LPP: variants seen among roughly 807,000 people sequenced by gnomAD.
The protein encoded by LPP is LIM domain containing preferred translocation partner in lipoma.
Under a neutral mutation model 60.4 loss-of-function variants are expected in LPP, and 38 were observed. The observed-to-expected ratio is 0.63, with a 90% CI of 0.49 to 0.83. LPP has a LOEUF of 0.83. LPP is among the 40% of genes least tolerant of loss of function. The pLI is 0.00. For synonymous variants in LPP, 328 were observed against 290.8 expected (o/e 1.13, Z -1.30); for missense variants, 902 against 783.6 (o/e 1.15, Z -1.80).
intron 7 of LPP, among the ~76,000 whole-genome samples, chr3:188,697,379 C>T (rs1187179389): frequency 1.3e-5 from 2 of 152,182 alleles, no homozygotes; most frequent in Non-Finnish European, 2.9e-5. Flanking sequence ...ATGTGCCAAG[C>T]GTCATATTTG....
chr3:188,492,801 A>G (rs530853401), intron 5 of LPP, among the ~76,000 whole-genome samples: 4 of 152,338 alleles, frequency 2.6e-5, no homozygotes, highest in Admixed American at 1.3e-4. Flanking sequence ...ATCTGCTTAT[A>G]TGTCCTGCTC....
chr3:188,398,363 C>T (rs1037054963), intron 3 of LPP, among the ~76,000 whole-genome samples: 6 of 152,174 alleles, frequency 3.9e-5, no homozygotes, highest in African/African-American at 9.7e-5. Flanking sequence ...ATAGAAAGTA[C>T]GCCCAAGTCC....
intron 5 of LPP, among the ~76,000 whole-genome samples, chr3:188,522,138 A>G (rs925567760): frequency 2.6e-4 from 40 of 152,368 alleles, no homozygotes; most frequent in Admixed American, 2.2e-3. Flanking sequence ...TTTCCAGTAT[A>G]CAGACCTGCT....
chr3:188,479,997 G>C (rs908117431), intron 4 of LPP, among the ~76,000 whole-genome samples: 4 of 152,176 alleles, frequency 2.6e-5, no homozygotes, highest in African/African-American at 9.6e-5. Flanking sequence ...CAAGCTCTGC[G>C]TTAGGTAGAT....
At chr3:188,685,521 A>G (rs1860515550) in intron 7 of LPP, among the ~76,000 whole-genome samples, 1 of 152,154 alleles carries the variant, frequency 6.6e-6, no homozygotes, top group African/African-American at 2.4e-5. Context: ...AAGAGTCTGT[A>G]TACCTTATCT....
intron 8 of LPP, chr3:188,711,667 G>T (rs62290057): frequency 0.056 from 8,546 of 152,260 alleles, 309 homozygotes; most frequent in Non-Finnish European, 0.085. Context: ...TATTCAGGCT[G>T]CTCTGCTAGG....
At position 188,609,744 on chromosome 3, in the gene LPP, G is replaced by C; in HGVS notation, c.1013G>C (p.Gly338Ala). The C allele has an allele frequency of 6.2e-7, 1 of 1,614,086 alleles. No homozygotes were observed. The highest frequency in any genetic ancestry group is 8.5e-7 in the Non-Finnish European group (1 of 1,180,006). ...REPGYTPPGA[G>A]NQNPPGMYPV... ...CCAGGGTACACTCCTCCTGGAGCAG[G>C]GAACCAGAACCCTCCTGGGATGTAT... Residue 338 changes from glycine (G) to alanine (A), a missense_variant, in exon 7 of 12, where the codon GGG becomes GCG. Gly to Ala is a moderately conservative substitution (Grantham distance 60). Transcript: ENST00000617246. This position sits in a 1 kb window ranked among gnomAD's most constrained non-coding sequence, Gnocchi z 6.9.
chr3:188,224,285 T>C (rs1341352358), intron 1 of LPP, among the ~76,000 whole-genome samples: 1 of 152,108 alleles, frequency 6.6e-6, no homozygotes, highest in Admixed American at 6.5e-5. Context: ...CTTGGAATTG[T>C]TTTGTACACA....
intron 9 of LPP, among the ~76,000 whole-genome samples, chr3:188,771,271 G>A (rs11715284): frequency 0.3 from 45,176 of 151,760 alleles, 7,131 homozygotes; most frequent in Middle Eastern, 0.36. Flanking sequence ...AAAAGAGGCC[G>A]GGCACAGTAG....
At chr3:188,451,048 T>G (rs562998330) in intron 4 of LPP, among the ~76,000 whole-genome samples, 2 of 152,116 alleles carry the variant, frequency 1.3e-5, no homozygotes, top group Non-Finnish European at 2.9e-5. Flanking sequence ...GTGTTTTTTG[T>G]TTTTTGTTTT....
Position 188,874,539 on chromosome 3 carries a change from A to G in LPP, c.*60A>G, listed in dbSNP as rs1312915986. ...CGAACACAAGAAAAAGATAAGAAAT[A>G]CTAGAGTAAAGGCCATCAAACTACG... On this transcript the variant is annotated 3_prime_UTR_variant, in exon 12 of 12. Transcript: ENST00000617246. 36 of 1,580,404 alleles carry G rather than the reference A, an allele frequency of 2.3e-5. No homozygotes were observed. Among genetic ancestry groups the G allele is most frequent in the Non-Finnish European group, 2.6e-5 (30 of 1,155,850 alleles).
chr3:188,426,210 C>G (rs1222678858), intron 4 of LPP, among the ~76,000 whole-genome samples: 1 of 147,982 alleles, frequency 6.8e-6, no homozygotes, highest in Non-Finnish European at 1.5e-5. Flanking sequence ...TTGTTATTTA[C>G]CCAGTAGTCA....
At chr3:188,276,619 G>A (rs1392377712) in intron 2 of LPP, among the ~76,000 whole-genome samples, 3 of 151,832 alleles carry the variant, frequency 2.0e-5, no homozygotes, top group Non-Finnish European at 1.5e-5. Flanking sequence ...GTGAATTCTT[G>A]TGAAATCTTG....
intron 5 of LPP, among the ~76,000 whole-genome samples, chr3:188,501,372 T>G (rs989267347): frequency 6.6e-6 from 1 of 152,216 alleles, no homozygotes; most frequent in Non-Finnish European, 1.5e-5. Context: ...CTCAGCACTT[T>G]GGGAGGCCGA....
chr3:188,790,029 C>T (rs1234879979), intron 9 of LPP, among the ~76,000 whole-genome samples: 1 of 152,064 alleles, frequency 6.6e-6, no homozygotes, highest in Admixed American at 6.6e-5. Flanking sequence ...TAGGTGTGCA[C>T]TATTTTTGAC....
At chr3:188,173,013 G>A (rs1267050408) in intron 1 of LPP, among the ~76,000 whole-genome samples, 1 of 152,132 alleles carries the variant, frequency 6.6e-6, no homozygotes, top group African/African-American at 2.4e-5. Flanking sequence ...GACAACAGGT[G>A]CATGCCACCA....
chr3:188,598,989 C>T (rs932927098), intron 6 of LPP, among the ~76,000 whole-genome samples: 7 of 152,112 alleles, frequency 4.6e-5, no homozygotes, highest in South Asian at 2.1e-4. Context: ...CTTCAGCAAA[C>T]GAGGTCGCTT....
chr3:188,642,376 C>T (rs1247144150), intron 7 of LPP, among the ~76,000 whole-genome samples: 2 of 152,166 alleles, frequency 1.3e-5, no homozygotes, highest in Non-Finnish European at 2.9e-5. Flanking sequence ...GCTAAATATT[C>T]TTCTAAAAAT....
chr3:188,859,437 G>A (rs776721972), intron 9 of LPP, among the ~76,000 whole-genome samples: 2 of 151,986 alleles, frequency 1.3e-5, no homozygotes, highest in Non-Finnish European at 2.9e-5. Context: ...TTCATTACTC[G>A]TGCCTCAATG....
Sources: gnomAD v4.1 joint callset for allele counts (sites outside exome capture counted in the v4.1 genomes callset) on GRCh38, gnomAD v4.1.1 for gene constraint, Gnocchi (gnomAD v3.1) non-coding constraint, MANE v1.5 for transcripts, NCBI Gene and HGNC (gene_info 2026-07-23, HGNC 2026-07-21) for gene names.